COL4A4: variants seen among roughly 807,000 people sequenced by gnomAD.
The protein encoded by COL4A4 is collagen type IV alpha 4 chain, also known as collagen alpha-4(IV) chain.
A neutral mutation model predicts 192.9 loss-of-function variants in COL4A4; 105 were observed. The observed-to-expected ratio is 0.54, with a 90% CI of 0.46 to 0.64. The LOEUF is 0.64. COL4A4 is among the 30% of genes least tolerant of loss of function. COL4A4 has a pLI of 0.00. For missense variants in COL4A4, 1,967 were observed against 2,169.3 expected, an observed-to-expected ratio of 0.91 and a Z score of 1.85; for synonymous variants, 762 against 769.9, an observed-to-expected ratio of 0.99 and a Z score of 0.17.
intron 20 of COL4A4, 142 bp from the exon 21 acceptor site, chr2:227,090,099 G>T (rs1300298098): frequency 9.5e-6 from 6 of 634,088 alleles, no homozygotes; most frequent in African/African-American, 7.3e-5. Flanking sequence ...TGTTTTCCTA[G>T]GATTCTTTCT....
chr2:227,105,909 A>G (rs2060810853), intron 12 of COL4A4, among the ~76,000 whole-genome samples: 1 of 152,122 alleles, frequency 6.6e-6, no homozygotes, highest in Non-Finnish European at 1.5e-5. Flanking sequence ...ACCTCAAACT[A>G]TTCTTCCATT....
the COL4A4 span, among the ~76,000 whole-genome samples, chr2:226,976,645 T>C: frequency 6.6e-6 from 1 of 152,056 alleles, no homozygotes; most frequent in Non-Finnish European, 1.5e-5. Context: ...CAGTCCAACT[T>C]CACACATCAG....
At chr2:227,144,840 G>A (rs1183828825) in intron 2 of COL4A4, among the ~76,000 whole-genome samples, 1 of 152,060 alleles carries the variant, frequency 6.6e-6, no homozygotes, top group Non-Finnish European at 1.5e-5. Flanking sequence ...AGACCTGGAG[G>A]GACAGATGAG....
rs1467256720 is a variant in COL4A4, at chr2:227,125,547, C to T, written c.193-4399G>A. On this transcript the variant is annotated intron_variant, in intron 4 of 47. Coordinates refer to ENST00000396625, the MANE Select transcript of COL4A4 (RefSeq NM_000092.5). ...TCGGGAGGAAAAAAAAAAAGTAAAG[C>T]AGGGAATGGTTATTTGCATTATTGA... 4.6e-5 allele frequency among the ~76,000 whole-genome samples: 7 copies of T among 152,102 alleles called. No individual in the cohort carries two copies. The South Asian group carries it at 1.2e-3, about 27-fold the overall frequency.
At chr2:227,034,538 G>A (rs1261920372) in intron 37 of COL4A4, among the ~76,000 whole-genome samples, 3 of 148,188 alleles carry the variant, frequency 2.0e-5, no homozygotes, top group Admixed American at 6.9e-5. Flanking sequence ...CCCAGTAGCT[G>A]TTCTTTTTTT....
chr2:226,970,864 C>T, the COL4A4 span, among the ~76,000 whole-genome samples: 11,856 of 152,178 alleles, frequency 0.078, 513 homozygotes, highest in East Asian at 0.18. Context: ...TCGTGCCCAT[C>T]ATGTGGGGAC....
the COL4A4 span, among the ~76,000 whole-genome samples, chr2:226,974,750 A>G: frequency 1.3e-5 from 2 of 151,968 alleles, no homozygotes; most frequent in East Asian, 1.9e-4. Context: ...CAGGGTGGAT[A>G]CTCCCTGCAG....
At chr2:226,977,425 G>T in the COL4A4 span, among the ~76,000 whole-genome samples, 44 of 152,312 alleles carry the variant, frequency 2.9e-4, no homozygotes, top group African/African-American at 9.1e-4. Context: ...TAATCCAAAA[G>T]AATCCCTTAT....
intron 12 of COL4A4, among the ~76,000 whole-genome samples, chr2:227,105,255 A>G (rs1044249073): frequency 1.4e-5 from 2 of 146,676 alleles, no homozygotes; most frequent in Non-Finnish European, 3.0e-5. Flanking sequence ...CAATGGCGCA[A>G]TCTCAGCTGA....
intron 9 of COL4A4, among the ~76,000 whole-genome samples, chr2:227,109,779 C>G (rs2061090065): frequency 6.7e-6 from 1 of 149,988 alleles, no homozygotes. Context: ...CTAAAGGTAG[C>G]AGCACTCTGG....
At chr2:227,106,944 G>A (rs2060882231) in intron 12 of COL4A4, among the ~76,000 whole-genome samples, 2 of 152,160 alleles carry the variant, frequency 1.3e-5, no homozygotes, top group South Asian at 2.1e-4. Flanking sequence ...CATTTGAATG[G>A]CCACCTCATA....
chr2:227,098,818 A>T lies in COL4A4; in HGVS notation c.1100-20T>A. 6.3e-7 allele frequency: 1 copy of T among 1,575,074 alleles called. No homozygotes were observed. Among genetic ancestry groups the T allele is most frequent in the Non-Finnish European group, 8.7e-7 (1 of 1,144,680 alleles). On this transcript the variant is annotated intron_variant, in intron 18 of 47. Transcript: ENST00000396625. ...GTGGGCCTGCCAAAGATAATGGTACATGAGAATAAACAAATGGTATGTGCA... is the reference window on the plus strand; with the variant it reads ...GTGGGCCTGCCAAAGATAATGGTACTTGAGAATAAACAAATGGTATGTGCA...
chr2:227,078,407 T>C (rs959023343), intron 24 of COL4A4, among the ~76,000 whole-genome samples: 9 of 152,236 alleles, frequency 5.9e-5, no homozygotes, highest in Middle Eastern at 3.4e-3. Context: ...CTCACCTGGC[T>C]AATTTTTGTA....
In COL4A4 at chr2:227,094,298, T is replaced by C. The variant is rs370706928; in HGVS notation, c.1205-9A>G. 5.0e-4 allele frequency: 799 copies of C among 1,612,888 alleles called. 1 individual carries two copies. Among genetic ancestry groups the C allele is most frequent in the Non-Finnish European group, 6.2e-4 (728 of 1,179,490 alleles). ...AGGGGGTCCTATCATGCCTGCAAGA[T>C]AAATCAAGAATGAAAATTACATATA... On this transcript the variant is annotated splice_polypyrimidine_tract_variant and intron_variant, in intron 19 of 47. Transcript: ENST00000396625.
At chr2:227,131,864 A>G (rs2062495873) in intron 4 of COL4A4, among the ~76,000 whole-genome samples, 7 of 152,206 alleles carry the variant, frequency 4.6e-5, no homozygotes, top group Admixed American at 4.6e-4. Flanking sequence ...TGAGGCCGCT[A>G]GGAACCAAGG....
chr2:226,987,145 G>C, the COL4A4 span, among the ~76,000 whole-genome samples: 1 of 152,144 alleles, frequency 6.6e-6, no homozygotes, highest in Admixed American at 6.5e-5. Flanking sequence ...CATGGACACA[G>C]AGAGGGGAAC....
rs1209918362 is a variant in COL4A4 at position 227,012,162 on chromosome 2, G to A, written c.4333+19C>T. ...AAGGTTTACAGTGTCAGAGAAAAGA[G>A]GAGTGACTGAAACTCTACCTGGTCC... On this transcript the variant is annotated intron_variant, in intron 45 of 47. Coordinates refer to ENST00000396625, the MANE Select transcript of COL4A4 (RefSeq NM_000092.5). 6.4e-7 allele frequency: 1 copy of A among 1,555,842 alleles called. No individual in the cohort carries two copies.
chr2:226,976,456 G>T, the COL4A4 span, among the ~76,000 whole-genome samples: 2 of 151,928 alleles, frequency 1.3e-5, no homozygotes, highest in Non-Finnish European at 2.9e-5. Context: ...AAATGTGTGA[G>T]CTTTACCCAC....
chr2:227,021,669 CA>C (rs1183255375), intron 44 of COL4A4, among the ~76,000 whole-genome samples: 6 of 151,874 alleles, frequency 4.0e-5, no homozygotes, highest in Non-Finnish European at 8.8e-5. Context: ...ACTAAAAATA[CA>C]AAAAATTAGC....
Sources: allele counts gnomAD v4.1 joint callset (sites outside exome capture counted in the v4.1 genomes callset), GRCh38; gene constraint gnomAD v4.1.1; transcripts MANE v1.5; gene names NCBI Gene and HGNC (gene_info 2026-07-23, HGNC 2026-07-21).